EPHA6: variants seen among roughly 807,000 people sequenced by gnomAD.
EPHA6 encodes the protein EPH receptor A6, also known as ephrin type-A receptor 6.
EPHA6 carries 50 observed loss-of-function variants against 112.0 expected under a neutral mutation model. The observed-to-expected ratio is 0.45, with a 90% CI of 0.36 to 0.56. The LOEUF (loss-of-function observed/expected upper bound fraction) is 0.56. Among genes scored for constraint, EPHA6 ranks in the 20% least tolerant of loss-of-function variants. EPHA6 has a pLI of 0.00. For missense variants in EPHA6, 1,280 were observed against 1,417.4 expected, an observed-to-expected ratio of 0.90 and a Z score of 1.56; for synonymous variants, 529 against 490.7, an observed-to-expected ratio of 1.08 and a Z score of -1.03.
intron 11 of EPHA6, among the ~76,000 whole-genome samples, chr3:97,568,578 G>C (rs1471561916): frequency 6.6e-6 from 1 of 152,188 alleles, no homozygotes; most frequent in East Asian, 1.9e-4. Context: ...AGCTCCTTAT[G>C]CCTACAATGC....
intron 6 of EPHA6, among the ~76,000 whole-genome samples, chr3:97,433,108 A>G (rs528995181): frequency 6.0e-4 from 91 of 152,262 alleles, no homozygotes; most frequent in South Asian, 2.5e-3. Flanking sequence ...GGTGGTAAAA[A>G]CTGAAATGGA....
chr3:97,244,149 A>T lies in EPHA6; in HGVS notation c.1468A>T (p.Ile490Phe). 1 of 1,613,114 alleles carries T rather than the reference A, an allele frequency of 6.2e-7. No homozygotes were observed. Among genetic ancestry groups the T allele is most frequent in the Non-Finnish European group, 8.5e-7 (1 of 1,179,364 alleles). ...LRFIPRHTGL[I>F]NNSVIVLDFV... Reference sequence around the variant, plus strand: ...CTTCATCCCAAGACATACAGGCCTGATCAACAATTCCGTGATAGTACTTGA... The same window carrying T: ...CTTCATCCCAAGACATACAGGCCTGTTCAACAATTCCGTGATAGTACTTGA... Residue 490 changes from isoleucine to phenylalanine, a missense_variant, in exon 5 of 18, where the codon ATC (isoleucine) becomes TTC (phenylalanine). Ile to Phe is a conservative substitution (Grantham distance 21). Transcript: ENST00000389672.
chr3:97,092,893 A>T lies in EPHA6; in HGVS notation c.1114+104900A>T, dbSNP rs530571946. Among the ~76,000 whole-genome samples the T allele has an allele frequency of 1.0e-3, 158 of 152,256 alleles. 1 individual carries two copies. Among genetic ancestry groups the T allele is most frequent in the Non-Finnish European group, 1.6e-3 (112 of 68,018 alleles). ...CCCAAATATATCTATGGCTTAACCA[A>T]TAAAAATGCAAAGCAGCTCTCCAAC... On this transcript the variant is annotated intron_variant, in intron 3 of 17. Transcript: ENST00000389672.
chr3:97,441,239 A>G (rs2090121988), intron 6 of EPHA6, among the ~76,000 whole-genome samples: 1 of 152,078 alleles, frequency 6.6e-6, no homozygotes, highest in African/African-American at 2.4e-5. Context: ...TCAAAATTAC[A>G]ATAAAAATTC....
intron 3 of EPHA6, among the ~76,000 whole-genome samples, chr3:97,049,223 A>G (rs915549198): frequency 2.0e-5 from 3 of 152,150 alleles, no homozygotes; most frequent in Non-Finnish European, 4.4e-5. Flanking sequence ...ATTTGATCAG[A>G]TAAGTGTTAT....
intron 9 of EPHA6, among the ~76,000 whole-genome samples, chr3:97,482,549 C>T (rs546982086): frequency 9.2e-5 from 14 of 152,116 alleles, no homozygotes; most frequent in African/African-American, 2.9e-4. Context: ...AATTTTCTCA[C>T]GGTCCATATG....
At chr3:97,310,766 C>T (rs951799947) in intron 5 of EPHA6, among the ~76,000 whole-genome samples, 8 of 151,496 alleles carry the variant, frequency 5.3e-5, no homozygotes, top group South Asian at 4.2e-4. Context: ...CTAAAGTGTC[C>T]GTCAAGTGTT....
intron 3 of EPHA6, among the ~76,000 whole-genome samples, chr3:97,183,685 T>C (rs1371837414): frequency 6.6e-6 from 1 of 152,120 alleles, no homozygotes; most frequent in Non-Finnish European, 1.5e-5. Flanking sequence ...TTGGCAGTCT[T>C]AATTTTGTGT....
intron 1 of EPHA6, among the ~76,000 whole-genome samples, chr3:96,838,712 A>G (rs2034562877): frequency 6.6e-6 from 1 of 152,226 alleles, no homozygotes. Flanking sequence ...ATTTGCACTA[A>G]AATTCTTAGT....
At chr3:97,500,291 T>A (rs938437704) in intron 10 of EPHA6, among the ~76,000 whole-genome samples, 7 of 151,884 alleles carry the variant, frequency 4.6e-5, no homozygotes, top group African/African-American at 1.7e-4. Flanking sequence ...TTATTTTTTT[T>A]TTAAAAAAAG....
rs79953494 is a variant in EPHA6 at position 97,626,799 on chromosome 3, C to A, written c.2575-11074C>A. ...GGAGTAGTTACACCACAGGAATTGG[C>A]AAATGCTACAAATCAGGGCTTTCTG... On this transcript the variant is annotated intron_variant, in intron 13 of 17. Transcript: ENST00000389672. 2.5e-3 allele frequency among the ~76,000 whole-genome samples: 385 copies of A among 151,834 alleles called. 3 individuals are homozygous for A. The highest frequency in any genetic ancestry group is 9.1e-3 in the African/African-American group (377 of 41,488).
At chr3:97,146,450 T>C (rs2076044970) in intron 3 of EPHA6, among the ~76,000 whole-genome samples, 1 of 151,856 alleles carries the variant, frequency 6.6e-6, no homozygotes, top group Admixed American at 6.6e-5. Context: ...CCTTAACTCT[T>C]GTTTCCAATA....
intron 13 of EPHA6, among the ~76,000 whole-genome samples, chr3:97,621,142 C>A (rs1228185164): frequency 6.6e-6 from 1 of 151,814 alleles, no homozygotes; most frequent in Non-Finnish European, 1.5e-5. Flanking sequence ...AGGCTGTTAT[C>A]CTTAGCAAAC....
chr3:97,480,275 G>A (rs946061504), intron 9 of EPHA6, among the ~76,000 whole-genome samples: 6 of 148,566 alleles, frequency 4.0e-5, no homozygotes, highest in African/African-American at 7.5e-5. Context: ...GCTGTTTCTC[G>A]GAGAGGGGGA....
At chr3:96,875,288 C>G (rs2036878606) in intron 2 of EPHA6, among the ~76,000 whole-genome samples, 1 of 151,992 alleles carries the variant, frequency 6.6e-6, no homozygotes, top group Non-Finnish European at 1.5e-5. Context: ...AAATGACCTC[C>G]CCTACATCCA....
At chr3:96,991,360 T>C (rs1159665073) in intron 3 of EPHA6, among the ~76,000 whole-genome samples, 2 of 152,180 alleles carry the variant, frequency 1.3e-5, no homozygotes, top group Non-Finnish European at 2.9e-5. Flanking sequence ...CAGCCATCAC[T>C]TATGTAGCTG....
chr3:97,539,813 T>C (rs1162154720), intron 11 of EPHA6, among the ~76,000 whole-genome samples: 1 of 152,168 alleles, frequency 6.6e-6, no homozygotes, highest in Non-Finnish European at 1.5e-5. Flanking sequence ...AGAAGCAGGA[T>C]CATTTGCTGA....
intron 1 of EPHA6, among the ~76,000 whole-genome samples, chr3:96,837,477 A>G (rs546463767): frequency 6.6e-6 from 1 of 152,172 alleles, no homozygotes; most frequent in East Asian, 1.9e-4. Context: ...AAGACAAGGA[A>G]CGAATTTTGT....
At chr3:97,637,211 A>G (rs1396739067) in intron 13 of EPHA6, among the ~76,000 whole-genome samples, 2 of 152,150 alleles carry the variant, frequency 1.3e-5, no homozygotes, top group Non-Finnish European at 2.9e-5. Context: ...CATTTAATTT[A>G]ATCCTTCCAA....
Sources: allele counts gnomAD v4.1 joint callset (sites outside exome capture counted in the v4.1 genomes callset), GRCh38; gene constraint gnomAD v4.1.1; transcripts MANE v1.5; gene names NCBI Gene and HGNC (gene_info 2026-07-23, HGNC 2026-07-21).